Variants in THSD7B observed in about 807,000 individuals in gnomAD.
THSD7B encodes the protein thrombospondin type 1 domain containing 7B.
THSD7B carries 138 observed loss-of-function variants against 213.6 expected under a neutral mutation model. That is an observed-to-expected ratio of 0.65 (90% CI 0.56 to 0.74). The LOEUF (loss-of-function observed/expected upper bound fraction) is 0.74. THSD7B is among the 30% of genes least tolerant of loss of function. The probability of loss-of-function intolerance (pLI) is 0.00; values close to 1 mark genes in which losing one functional copy is unlikely to be tolerated. For synonymous variants in THSD7B, 742 were observed against 687.0 expected, an observed-to-expected ratio of 1.08 and a Z score of -1.25; for missense variants, 1,931 against 1,991.5, an observed-to-expected ratio of 0.97 and a Z score of 0.58.
chr2:137,278,112 C>T (rs1275737862), intron 12 of THSD7B, among the ~76,000 whole-genome samples: 11 of 151,938 alleles, frequency 7.2e-5, no homozygotes, highest in Admixed American at 1.3e-4. Flanking sequence ...TTCCTCTGAA[C>T]ATTAAACTGC....
rs554606736 is a variant in THSD7B at position 137,486,041 on chromosome 2, A to C, written c.3138+35018A>C. 3.3e-5 allele frequency among the ~76,000 whole-genome samples: 5 copies of C among 152,366 alleles called. No individual in the cohort carries two copies. In the East Asian group the frequency reaches 9.6e-4, roughly 29 times the overall value. ...AACCGGTACCAGCCGCTGCAAAATCATGCCAAATTGTAAAGACCATGAAGG... is the reference window on the plus strand; with the variant it reads ...AACCGGTACCAGCCGCTGCAAAATCCTGCCAAATTGTAAAGACCATGAAGG... On this transcript the variant is annotated intron_variant, in intron 15 of 27. Transcript: ENST00000409968.
At chr2:137,052,262 CTT>C (rs1397790904) in intron 2 of THSD7B, among the ~76,000 whole-genome samples, 1 of 152,144 alleles carries the variant, frequency 6.6e-6, no homozygotes, top group African/African-American at 2.4e-5. Context: ...ATATATGACT[CTT>C]TACATAATGT....
chr2:137,625,219 A>T (rs1402022364), intron 20 of THSD7B, among the ~76,000 whole-genome samples: 5 of 151,710 alleles, frequency 3.3e-5, no homozygotes, highest in African/African-American at 1.2e-4. Flanking sequence ...GCAAACTATC[A>T]CAAGGTCAGA....
intron 2 of THSD7B, among the ~76,000 whole-genome samples, chr2:136,906,901 A>G (rs911387430): frequency 6.7e-6 from 1 of 148,340 alleles, no homozygotes; most frequent in Admixed American, 6.8e-5. Context: ...TTCATTTACA[A>G]TAGTCACATA....
intron 2 of THSD7B, among the ~76,000 whole-genome samples, chr2:137,021,221 C>T (rs902774569): frequency 2.6e-5 from 4 of 152,180 alleles, no homozygotes; most frequent in Non-Finnish European, 5.9e-5. Flanking sequence ...ACTCTGTCCA[C>T]ACATTGTTTT....
intron 15 of THSD7B, among the ~76,000 whole-genome samples, chr2:137,522,878 T>C (rs536798908): frequency 2.0e-4 from 30 of 152,328 alleles, no homozygotes; most frequent in African/African-American, 7.2e-4. Flanking sequence ...TGCTGGGTGA[T>C]TGCATTCAAG....
intron 12 of THSD7B, among the ~76,000 whole-genome samples, chr2:137,306,502 T>C (rs1346418008): frequency 6.6e-6 from 1 of 152,178 alleles, no homozygotes; most frequent in African/African-American, 2.4e-5. Flanking sequence ...GATTTGTCAA[T>C]GTGTTTATCA....
At chr2:137,100,761 G>T (rs538785277) in intron 4 of THSD7B, among the ~76,000 whole-genome samples, 2 of 151,942 alleles carry the variant, frequency 1.3e-5, no homozygotes, top group African/African-American at 4.8e-5. Flanking sequence ...CAGACTCAAA[G>T]GTATTTTAAA....
intron 16 of THSD7B, among the ~76,000 whole-genome samples, chr2:137,563,616 G>A (rs1339708315): frequency 2.0e-5 from 3 of 152,148 alleles, no homozygotes; most frequent in African/African-American, 7.2e-5. Flanking sequence ...AATGGAGCAG[G>A]CTGCTGTCAC....
chr2:137,587,497 C>T (rs906496371), intron 17 of THSD7B, among the ~76,000 whole-genome samples: 16 of 152,120 alleles, frequency 1.1e-4, no homozygotes, highest in Non-Finnish European at 2.1e-4. Flanking sequence ...ATGATAGTGA[C>T]GTACAGATGG....
intron 12 of THSD7B, among the ~76,000 whole-genome samples, chr2:137,311,678 C>G (rs1683911242): frequency 6.6e-6 from 1 of 151,792 alleles, no homozygotes; most frequent in Non-Finnish European, 1.5e-5. Flanking sequence ...GAGATATGTC[C>G]CATCAATACC....
chr2:137,580,403 A>G (rs566148719), intron 17 of THSD7B, among the ~76,000 whole-genome samples: 3 of 152,080 alleles, frequency 2.0e-5, no homozygotes, highest in African/African-American at 7.2e-5. Flanking sequence ...CTTGCATCCA[A>G]CTGTTTTCTT....
At chr2:136,909,711 A>T (rs1684226124) in intron 2 of THSD7B, among the ~76,000 whole-genome samples, 2 of 152,242 alleles carry the variant, frequency 1.3e-5, no homozygotes, top group Admixed American at 6.5e-5. Flanking sequence ...TTGTTAATCG[A>T]GGGCTTATGA....
chr2:136,975,281 G>T (rs1453893055), intron 2 of THSD7B, among the ~76,000 whole-genome samples: 1 of 152,072 alleles, frequency 6.6e-6, no homozygotes, highest in Non-Finnish European at 1.5e-5. Flanking sequence ...CTGTGCCTAT[G>T]TCCTGAATGG....
chr2:137,384,131 G>A (rs1166633781), intron 12 of THSD7B, among the ~76,000 whole-genome samples: 1 of 152,068 alleles, frequency 6.6e-6, no homozygotes, highest in African/African-American at 2.4e-5. Context: ...AACATCCTCT[G>A]CCTCCTGCTC....
At chr2:137,303,718 A>C (rs4954374) in intron 12 of THSD7B, among the ~76,000 whole-genome samples, 92 of 114,222 alleles carry the variant, frequency 8.1e-4, no homozygotes, top group Middle Eastern at 5.1e-3. Flanking sequence ...ATATATATTT[A>C]TATATATATT....
At chr2:137,170,986 C>T (rs1032426831) in intron 7 of THSD7B, 48 bp downstream of exon 7, 11 of 1,575,994 alleles carry the variant, frequency 7.0e-6, no homozygotes, top group Admixed American at 3.4e-5. Flanking sequence ...AAGTATCAGC[C>T]AAATAACACA....
At chr2:137,045,012 C>T (rs1686945242) in intron 2 of THSD7B, among the ~76,000 whole-genome samples, 1 of 152,170 alleles carries the variant, frequency 6.6e-6, no homozygotes, top group African/African-American at 2.4e-5. Context: ...CTGTCTTCCA[C>T]CTAAAAATTT....
chr2:137,653,111 C>T (rs557120782), intron 21 of THSD7B, among the ~76,000 whole-genome samples: 1 of 148,532 alleles, frequency 6.7e-6, no homozygotes, highest in African/African-American at 2.5e-5. Context: ...TCTCATAAGT[C>T]TGGTGGTGGT....
Sources: gnomAD v4.1 joint callset for allele counts (sites outside exome capture counted in the v4.1 genomes callset) on GRCh38, gnomAD v4.1.1 for gene constraint, MANE v1.5 for transcripts, NCBI Gene and HGNC (gene_info 2026-07-23, HGNC 2026-07-21) for gene names.